The following IL20RB variants were observed in gnomAD, a reference collection of about 807,000 sequenced individuals.
IL20RB encodes interleukin 20 receptor subunit beta.
IL20RB carries 21 observed loss-of-function variants against 33.3 expected under a neutral mutation model. The ratio of observed to expected loss-of-function variants is 0.63; its 90% CI spans 0.45 to 0.91. The LOEUF (loss-of-function observed/expected upper bound fraction) is 0.91. Among genes scored for constraint, IL20RB ranks in the 40% least tolerant of loss-of-function variants. The pLI is 0.00. For synonymous variants in IL20RB, 147 were observed against 146.8 expected, an observed-to-expected ratio of 1.00 and a Z score of -0.01; for missense variants, 345 against 384.8, an observed-to-expected ratio of 0.90 and a Z score of 0.86.
intron 6 of IL20RB, among the ~76,000 whole-genome samples, chr3:136,997,225 T>G (rs1942148375): frequency 6.6e-6 from 1 of 151,984 alleles, no homozygotes; most frequent in East Asian, 1.9e-4. Context: ...CCTGAGTAAC[T>G]GGGATTACAG....
intron 1 of IL20RB, among the ~76,000 whole-genome samples, chr3:136,978,970 C>G (rs1297873572): frequency 1.3e-5 from 2 of 152,094 alleles, no homozygotes; most frequent in Admixed American, 1.3e-4. Flanking sequence ...GATTTGTTGA[C>G]ATAATTTAAT....
chr3:136,960,951 C>T (rs891460917), intron 1 of IL20RB, among the ~76,000 whole-genome samples: 3 of 152,198 alleles, frequency 2.0e-5, no homozygotes, highest in African/African-American at 7.2e-5. Flanking sequence ...GCCCACTGAG[C>T]GTCCTTCAGA....
intron 1 of IL20RB, among the ~76,000 whole-genome samples, chr3:136,962,282 C>T (rs766492939): frequency 1.3e-5 from 2 of 152,172 alleles, no homozygotes; most frequent in African/African-American, 2.4e-5. Context: ...ACAGTAGAGA[C>T]ACTTTCTTAA....
intron 3 of IL20RB, among the ~76,000 whole-genome samples, chr3:136,986,038 G>A (rs548514760): frequency 1.3e-5 from 2 of 152,112 alleles, no homozygotes; most frequent in African/African-American, 4.8e-5. Context: ...AGTGGATCAC[G>A]AGGTCAGGAG....
chr3:136,969,347 C>T (rs1226352764), intron 1 of IL20RB: 80 of 105,778 alleles, frequency 7.6e-4, no homozygotes, highest in Admixed American at 8.0e-4. Context: ...GCAATCAGCG[C>T]GATTCCGTGG....
chr3:136,990,403 G>T lies in IL20RB; in HGVS notation c.531+838G>T, dbSNP rs114103950. On this transcript the variant is annotated intron_variant, in intron 4 of 6. Coordinates refer to ENST00000329582, the MANE Select transcript of IL20RB (RefSeq NM_144717.4). ...CCAGGGCCCTTGCTCCCCTCTGGTG[G>T]GTCCCTGCTCTTGCACACTTTCTAT... Among the ~76,000 whole-genome samples, 1,011 of 152,270 alleles carry T rather than the reference G, an allele frequency of 6.6e-3. 11 individuals carry two copies. Among genetic ancestry groups the T allele is most frequent in the African/African-American group, 0.023 (964 of 41,556 alleles).
chr3:137,005,850 T>C (rs953792877), intron 6 of IL20RB, among the ~76,000 whole-genome samples: 21 of 152,242 alleles, frequency 1.4e-4, no homozygotes, highest in Admixed American at 2.6e-4. Flanking sequence ...ATGCAGTTTC[T>C]TCCTAGCGTC....
At chr3:136,998,054 G>A (rs1182258845) in intron 6 of IL20RB, among the ~76,000 whole-genome samples, 2 of 151,630 alleles carry the variant, frequency 1.3e-5, no homozygotes, top group Admixed American at 6.6e-5. Flanking sequence ...ACAGGTGTGA[G>A]CCACTGTGCC....
chr3:137,005,642 T>G (rs1184249351), intron 6 of IL20RB, among the ~76,000 whole-genome samples: 1 of 152,208 alleles, frequency 6.6e-6, no homozygotes, highest in Non-Finnish European at 1.5e-5. Flanking sequence ...CATCCCTTTA[T>G]TTTGAGCCTA....
intron 6 of IL20RB, among the ~76,000 whole-genome samples, chr3:137,004,532 G>C (rs1012452840): frequency 6.6e-6 from 1 of 152,156 alleles, no homozygotes; most frequent in Non-Finnish European, 1.5e-5. Flanking sequence ...ATTTCTTCTA[G>C]ATTTTCTAGT....
chr3:136,993,733 C>T (rs922589137), intron 5 of IL20RB, among the ~76,000 whole-genome samples: 2 of 152,102 alleles, frequency 1.3e-5, no homozygotes, highest in African/African-American at 4.8e-5. Flanking sequence ...TTTTAAAGAG[C>T]CAGGTGTGGT....
intron 3 of IL20RB, chr3:136,986,608 G>C (rs1334437032): frequency 2.2e-6 from 1 of 450,878 alleles, no homozygotes; most frequent in African/African-American, 2.0e-5. Flanking sequence ...CCCCTGTCCA[G>C]GTAGCTCTTC....
chr3:137,006,105 C>T (rs966212869), intron 6 of IL20RB, among the ~76,000 whole-genome samples: 10 of 152,142 alleles, frequency 6.6e-5, no homozygotes, highest in Non-Finnish European at 8.8e-5. Flanking sequence ...CACTCTCTTC[C>T]GGCTTGTAGA....
intron 3 of IL20RB, among the ~76,000 whole-genome samples, chr3:136,989,032 C>T (rs1357841702): frequency 1.3e-5 from 2 of 152,118 alleles, no homozygotes; most frequent in East Asian, 3.9e-4. Flanking sequence ...TTAGATGAGC[C>T]AAAGTGAGGA....
intron 1 of IL20RB, among the ~76,000 whole-genome samples, chr3:136,972,718 C>T (rs999006211): frequency 2.0e-5 from 3 of 151,486 alleles, no homozygotes; most frequent in East Asian, 3.9e-4. Flanking sequence ...TTAAGATTAA[C>T]TTTGTTAATC....
intron 6 of IL20RB, among the ~76,000 whole-genome samples, chr3:137,001,670 C>T (rs1942245223): frequency 6.6e-6 from 1 of 152,182 alleles, no homozygotes; most frequent in African/African-American, 2.4e-5. Context: ...ATGGACGAAA[C>T]ATTTCATGTC....
chr3:137,007,109 A>G (rs1044805788), intron 6 of IL20RB, among the ~76,000 whole-genome samples: 1 of 152,144 alleles, frequency 6.6e-6, no homozygotes, highest in Admixed American at 6.5e-5. Context: ...GCTGTAGAAC[A>G]GCAAATATTG....
At position 136,998,470 on chromosome 3, in the gene IL20RB, G is replaced by T. The variant is rs562242340; in HGVS notation, c.825+2914G>T. On this transcript the variant is annotated intron_variant, in intron 6 of 6. Transcript: ENST00000329582. ...TTTCTGAGATCTTTATTTCCATCTG[G>T]TGTGGGCTTCCTGTCATTTTATAAA... 1.3e-3 allele frequency among the ~76,000 whole-genome samples: 200 copies of T among 151,242 alleles called. 1 individual carries two copies. The highest frequency in any genetic ancestry group is 2.5e-3 in the Non-Finnish European group (171 of 67,840).
rs145199566 is a variant in IL20RB, at chr3:136,996,000, G to A, written c.825+444G>A. On this transcript the variant is annotated intron_variant, in intron 6 of 6. Coordinates refer to ENST00000329582, the MANE Select transcript of IL20RB (RefSeq NM_144717.4). The stretch of plus-strand genomic sequence containing the variant: ...AAAGCCTCATTGTTCTCAGAGTGAA[G>A]AAGATGTACATGGGAGGCATGGACT... Among the ~76,000 whole-genome samples, 482 of 152,320 alleles carry A rather than the reference G, an allele frequency of 3.2e-3. 2 individuals carry two copies. Among genetic ancestry groups the A allele is most frequent in the Admixed American group, 4.7e-3 (72 of 15,300 alleles).
Sources: gnomAD v4.1 joint callset for allele counts (sites outside exome capture counted in the v4.1 genomes callset) on GRCh38, gnomAD v4.1.1 for gene constraint, MANE v1.5 for transcripts, NCBI Gene and HGNC (gene_info 2026-07-23, HGNC 2026-07-21) for gene names.